The following TCERG1L variants were observed in gnomAD, a reference collection of about 807,000 sequenced individuals.
TCERG1L encodes transcription elongation regulator 1-like protein.
TCERG1L carries 37 observed loss-of-function variants against 56.3 expected under a neutral mutation model. The ratio of observed to expected loss-of-function variants is 0.66; its 90% confidence interval spans 0.51 to 0.87. TCERG1L has a LOEUF of 0.87. Among genes scored for constraint, TCERG1L ranks in the 40% least tolerant of loss-of-function variants. The probability of loss-of-function intolerance (pLI) is 0.00; values close to 1 mark genes in which losing one functional copy is unlikely to be tolerated. For missense variants in TCERG1L, 799 were observed against 774.2 expected, an observed-to-expected ratio of 1.03 and a Z score of -0.38; for synonymous variants, 324 against 326.3, an observed-to-expected ratio of 0.99 and a Z score of 0.08.
chr10:131,113,309 CG>C lies in TCERG1L; in HGVS notation c.1395+3489del, dbSNP rs1314552813. Among the ~76,000 whole-genome samples, 3 of 142,236 alleles carry C rather than the reference CG, an allele frequency of 2.1e-5. 1 individual carries two copies. Among genetic ancestry groups the C allele is most frequent in the Non-Finnish European group, 4.7e-5 (3 of 63,202 alleles). The allele number at this position is 142,236 out of a possible 152,430, so 93.3% of individuals were successfully genotyped here. ...CAAAGGCACCTTCAAGGATGCTGTC[CG>C]CACAGGCACCTCCCCTTCCCTGGTG... On this transcript the variant is annotated intron_variant, in intron 9 of 11. Transcript: ENST00000368642.
At chr10:131,291,767 G>A (rs901923848) in intron 3 of TCERG1L, among the ~76,000 whole-genome samples, 6 of 151,254 alleles carry the variant, frequency 4.0e-5, no homozygotes, top group Middle Eastern at 3.2e-3. Context: ...TCCCATCCAA[G>A]ACCATAGTAA....
chr10:131,273,601 C>G (rs1039620072), intron 3 of TCERG1L, among the ~76,000 whole-genome samples: 1 of 152,200 alleles, frequency 6.6e-6, no homozygotes, highest in African/African-American at 2.4e-5. Flanking sequence ...CATCCAGGCC[C>G]CTGGGCTGAC....
rs180789775 is a variant in TCERG1L at position 131,206,142 on chromosome 10, C to T, written c.857-39257G>A. 3.9e-5 allele frequency among the ~76,000 whole-genome samples: 6 copies of T among 152,358 alleles called. No individual in the cohort carries two copies. The East Asian group carries it at 9.7e-4, about 25-fold the overall frequency. On this transcript the variant is annotated intron_variant, in intron 4 of 11. Transcript: ENST00000368642. ...GTGGCTCTGGAATAAGAAGTACAGGCGGATTTGAAGGATGTCATGGACAAC... is the reference window on the plus strand; with the variant it reads ...GTGGCTCTGGAATAAGAAGTACAGGTGGATTTGAAGGATGTCATGGACAAC...
intron 4 of TCERG1L, among the ~76,000 whole-genome samples, chr10:131,168,870 C>T (rs1050383040): frequency 6.6e-6 from 1 of 152,228 alleles, no homozygotes; most frequent in South Asian, 2.1e-4. Context: ...GACCACAGGG[C>T]TCCCATACAG....
At chr10:131,175,168 C>A (rs1381736049) in intron 4 of TCERG1L, among the ~76,000 whole-genome samples, 1 of 14,088 alleles carries the variant, frequency 7.1e-5, no homozygotes, top group Non-Finnish European at 1.3e-4. Flanking sequence ...CTGATGAAGG[C>A]AGGCTTCTGA....
At chr10:131,234,174 T>A (rs1376007004) in intron 4 of TCERG1L, among the ~76,000 whole-genome samples, 1 of 152,220 alleles carries the variant, frequency 6.6e-6, no homozygotes, top group African/African-American at 2.4e-5. Context: ...TAAGACAGCT[T>A]CTTGAAACTT....
chr10:131,259,756 T>G (rs548106463), intron 4 of TCERG1L, among the ~76,000 whole-genome samples: 1 of 152,338 alleles, frequency 6.6e-6, no homozygotes, highest in South Asian at 2.1e-4. Flanking sequence ...CCTCTGGTAC[T>G]CCAAGCTGTC....
intron 8 of TCERG1L, among the ~76,000 whole-genome samples, chr10:131,123,519 G>A (rs1845533694): frequency 1.3e-5 from 2 of 152,192 alleles, no homozygotes; most frequent in Admixed American, 1.3e-4. Flanking sequence ...AGTGAGGGGA[G>A]GGTGTGGGGG....
chr10:131,246,522 G>A (rs1846039631), intron 4 of TCERG1L, among the ~76,000 whole-genome samples: 1 of 152,116 alleles, frequency 6.6e-6, no homozygotes, highest in African/African-American at 2.4e-5. Flanking sequence ...TATGATGAGA[G>A]GAGGCATTTC....
At position 131,103,114 on chromosome 10, in the gene TCERG1L, C is replaced by T. The variant is rs969601018; in HGVS notation, c.1485+1151G>A. Among the ~76,000 whole-genome samples the T allele has an allele frequency of 6.6e-6, 1 of 151,718 alleles. No individual in the cohort carries two copies. The highest frequency in any genetic ancestry group is 2.4e-5 in the African/African-American group (1 of 41,302). On this transcript the variant is annotated intron_variant, in intron 10 of 11. Transcript: ENST00000368642. The surrounding 1 kb of genome is among the most constrained non-coding windows in gnomAD (Gnocchi z 4.3). ...ACTCCTATTTCATCACTATTATTGT[C>T]AACCTGAAGAACAAGCAGAAAGAGG...
intron 4 of TCERG1L, among the ~76,000 whole-genome samples, chr10:131,240,393 T>C (rs1589758474): frequency 6.6e-6 from 1 of 152,310 alleles, no homozygotes; most frequent in African/African-American, 2.4e-5. Context: ...ATGGAGCTGA[T>C]TTATTTTATG....
intron 4 of TCERG1L, among the ~76,000 whole-genome samples, chr10:131,202,519 T>G (rs572126018): frequency 5.3e-5 from 8 of 152,180 alleles, no homozygotes; most frequent in African/African-American, 1.7e-4. Context: ...AGGCGGAGGT[T>G]GCAGTAAGAC....
intron 4 of TCERG1L, among the ~76,000 whole-genome samples, chr10:131,217,771 G>C (rs1845686697): frequency 7.3e-6 from 1 of 137,538 alleles, no homozygotes; most frequent in Non-Finnish European, 1.5e-5. Context: ...ACCCAAGCTG[G>C]AGTGCAGTGG....
chr10:131,275,329 T>C (rs1162313385), intron 3 of TCERG1L, among the ~76,000 whole-genome samples: 1 of 152,184 alleles, frequency 6.6e-6, no homozygotes, highest in Non-Finnish European at 1.5e-5. Flanking sequence ...GACATCACTC[T>C]CCCTGCCTCA....
chr10:131,134,239 C>T (rs375807745), intron 8 of TCERG1L, 140 bp downstream of exon 8: 2 of 788,536 alleles, frequency 2.5e-6, no homozygotes, highest in African/African-American at 3.5e-5. Flanking sequence ...AAGACAGAAC[C>T]TGAAACCTCT....
intron 4 of TCERG1L, among the ~76,000 whole-genome samples, chr10:131,199,313 T>C (rs973579236): frequency 2.0e-5 from 3 of 152,218 alleles, no homozygotes; most frequent in Non-Finnish European, 4.4e-5. Flanking sequence ...GCTCTGCTTC[T>C]CTTTTGATTG....
intron 4 of TCERG1L, among the ~76,000 whole-genome samples, chr10:131,241,279 A>G (rs1170245328): frequency 6.6e-6 from 1 of 152,222 alleles, no homozygotes; most frequent in Non-Finnish European, 1.5e-5. Context: ...TTTAGAAAAC[A>G]AAGTTAAGGA....
At chr10:131,259,580 A>C (rs1209648403) in intron 4 of TCERG1L, among the ~76,000 whole-genome samples, 1 of 152,260 alleles carries the variant, frequency 6.6e-6, no homozygotes, top group African/African-American at 2.4e-5. Flanking sequence ...ACAGAGCTGC[A>C]GATGGGACCC....
chr10:131,140,738 C>A (rs563828040), intron 7 of TCERG1L, among the ~76,000 whole-genome samples: 36 of 152,318 alleles, frequency 2.4e-4, no homozygotes, highest in African/African-American at 8.7e-4. Flanking sequence ...GCCCAGGAGG[C>A]AAACAAGGGC....
Sources: allele counts gnomAD v4.1 joint callset (sites outside exome capture counted in the v4.1 genomes callset), GRCh38; gene constraint gnomAD v4.1.1; non-coding constraint Gnocchi (gnomAD v3.1); transcripts MANE v1.5; gene names NCBI Gene and HGNC (gene_info 2026-07-23, HGNC 2026-07-21).